The following HYAL4 variants were observed in gnomAD, a reference collection of about 807,000 sequenced individuals.
HYAL4 encodes hyaluronidase 4.
A neutral mutation model predicts 35.2 loss-of-function variants in HYAL4; 37 were observed. That is an observed-to-expected ratio of 1.05 (90% CI 0.81 to 1.38). The LOEUF is 1.38. HYAL4 is among the 40% of genes most tolerant of loss of function. The probability of loss-of-function intolerance (pLI) is 0.00; values close to 1 mark genes in which losing one functional copy is unlikely to be tolerated. For missense variants in HYAL4, 572 were observed against 572.4 expected (o/e 1.00, Z 0.01); for synonymous variants, 198 against 203.2 (o/e 0.97, Z 0.22).
At chr7:123,840,594 C>T (rs183692445), upstream of HYAL4, among the ~76,000 whole-genome samples, 308 of 152,114 alleles carry the variant, frequency 2.0e-3, 1 homozygote, top group African/African-American at 6.9e-3. Flanking sequence ...GCCATTTTCA[C>T]GGTATTGATT....
the HYAL4 span, among the ~76,000 whole-genome samples, chr7:123,802,417 T>C: frequency 2.0e-4 from 30 of 152,028 alleles, no homozygotes; most frequent in African/African-American, 7.0e-4. Flanking sequence ...CTGTTCAACT[T>C]TTAATAAATC....
chr7:123,858,409 C>G (rs1806505188), intron 2 of HYAL4, among the ~76,000 whole-genome samples: 1 of 152,060 alleles, frequency 6.6e-6, no homozygotes, highest in Non-Finnish European at 1.5e-5. Flanking sequence ...GCGTTACAAA[C>G]TCAGGCATGA....
the HYAL4 span, among the ~76,000 whole-genome samples, chr7:123,790,129 A>G: frequency 6.6e-6 from 1 of 152,170 alleles, no homozygotes; most frequent in Non-Finnish European, 1.5e-5. Flanking sequence ...TTAGTTGCCC[A>G]CCCACATTAG....
chr7:123,790,965 A>G, the HYAL4 span, among the ~76,000 whole-genome samples: 1 of 152,138 alleles, frequency 6.6e-6, no homozygotes, highest in South Asian at 2.1e-4. Context: ...GGATTTTGCC[A>G]TGTTAGCCAG....
chr7:123,795,111 C>T, the HYAL4 span, among the ~76,000 whole-genome samples: 3 of 152,254 alleles, frequency 2.0e-5, no homozygotes, highest in African/African-American at 7.2e-5. Flanking sequence ...AACTGCCCTA[C>T]TGGATATTGG....
In HYAL4 at chr7:123,868,967, A is replaced by G. The variant is rs775190818; in HGVS notation, c.694A>G (p.Asn232Asp). Residue 232 changes from asparagine to aspartate, a missense_variant, in exon 3 of 5, where the codon AAC becomes GAC. Coordinates refer to ENST00000223026, the MANE Select transcript of HYAL4 (RefSeq NM_012269.3). ...CCACAATTATAACGTTTATGCCCCA[A>G]ACTACTCTGGGTCATGCCCAGAAGA... ...DCHNYNVYAPNYSGSCPEDEV... is the reference protein window; with the variant it reads ...DCHNYNVYAPDYSGSCPEDEV... 3.1e-6 allele frequency: 5 copies of G among 1,613,794 alleles called. No individual in the cohort carries two copies. The South Asian group carries it at 3.3e-5, about 11-fold the overall frequency.
At chr7:123,843,259 G>A (rs1220580476), upstream of HYAL4, among the ~76,000 whole-genome samples, 1 of 151,946 alleles carries the variant, frequency 6.6e-6, no homozygotes, top group African/African-American at 2.4e-5. Flanking sequence ...CACTTATGAA[G>A]CTTAGTTTGG....
the HYAL4 span, among the ~76,000 whole-genome samples, chr7:123,775,298 A>G: frequency 6.6e-6 from 1 of 152,112 alleles, no homozygotes; most frequent in Non-Finnish European, 1.5e-5. Flanking sequence ...GCATGGTGGC[A>G]CATGCCTATA....
the HYAL4 span, among the ~76,000 whole-genome samples, chr7:123,771,658 A>G: frequency 9.2e-5 from 14 of 152,170 alleles, no homozygotes; most frequent in Non-Finnish European, 5.9e-5. Flanking sequence ...CATAATACCA[A>G]TTACTTGACT....
chr7:123,772,354 C>T, the HYAL4 span, among the ~76,000 whole-genome samples: 30 of 152,054 alleles, frequency 2.0e-4, no homozygotes, highest in African/African-American at 1.9e-4. Flanking sequence ...AACATCCCGT[C>T]GTGGTTCAGG....
At chr7:123,799,949 G>A in the HYAL4 span, among the ~76,000 whole-genome samples, 98 of 151,646 alleles carry the variant, frequency 6.5e-4, no homozygotes, top group African/African-American at 2.1e-3. Context: ...TTGCTTGAGC[G>A]CAGGAGTTCG....
chr7:123,837,065 T>G (rs187069779), intron 1 of HYAL4, among the ~76,000 whole-genome samples: 167 of 152,182 alleles, frequency 1.1e-3, no homozygotes, highest in African/African-American at 3.7e-3. Flanking sequence ...AAAAAAGATT[T>G]GGGCTCCTTT....
chr7:123,788,809 C>T, the HYAL4 span, among the ~76,000 whole-genome samples: 1 of 152,226 alleles, frequency 6.6e-6, no homozygotes, highest in Non-Finnish European at 1.5e-5. Context: ...GTGTACACTT[C>T]AAAACCTGTG....
intron 1 of HYAL4, among the ~76,000 whole-genome samples, chr7:123,833,403 C>CT (rs34866399): frequency 0.84 from 128,447 of 152,108 alleles, 54,344 homozygotes; most frequent in Non-Finnish European, 0.87. Context: ...TATTCATGTC[C>CT]TAGCCCACTT....
Position 123,877,088 on chromosome 7 carries a change from C to G in HYAL4, c.1379C>G (p.Pro460Arg), listed in dbSNP as rs1360883542. Residue 460 changes from proline to arginine, a missense_variant, in exon 5 of 5, where the codon CCT (proline) becomes CGT (arginine). Physicochemically the swap from Pro to Arg is moderately radical, Grantham distance 103. Coordinates refer to ENST00000223026, the MANE Select transcript of HYAL4 (RefSeq NM_012269.3). ...GCTGATGGCTGCTCTGGGGTTTCCC[C>G]TTCTCCTGGTTCACTAATGACACTT... The part of the protein sequence containing the change: ...KTADGCSGVS[P>R]SPGSLMTLCL... The G allele has an allele frequency of 6.2e-7, 1 of 1,614,188 alleles. No homozygotes were observed. The highest frequency in any genetic ancestry group is 1.7e-5 in the Admixed American group (1 of 60,020).
At chr7:123,857,631 A>G (rs1311861339) in intron 2 of HYAL4, among the ~76,000 whole-genome samples, 1 of 146,892 alleles carries the variant, frequency 6.8e-6, no homozygotes, top group Admixed American at 6.7e-5. Flanking sequence ...CTATTGGGCC[A>G]TCTTGCCAGC....
At chr7:123,824,059 G>T (rs890401369), upstream of HYAL4, among the ~76,000 whole-genome samples, 1 of 152,120 alleles carries the variant, frequency 6.6e-6, no homozygotes, top group Non-Finnish European at 1.5e-5. Context: ...TGTCAGCATT[G>T]TTAAGAACAG....
the HYAL4 span, among the ~76,000 whole-genome samples, chr7:123,806,644 A>T: frequency 6.8e-6 from 1 of 147,304 alleles, no homozygotes; most frequent in African/African-American, 2.5e-5. Flanking sequence ...TAGAGATGGG[A>T]TTTCTCCATG....
At chr7:123,785,979 AAAC>A in the HYAL4 span, among the ~76,000 whole-genome samples, 1 of 152,176 alleles carries the variant, frequency 6.6e-6, no homozygotes, top group East Asian at 1.9e-4. This position sits in a 1 kb window ranked among gnomAD's most constrained non-coding sequence, Gnocchi z 4.5. Flanking sequence ...AAAACAAAAC[AAAC>A]AACTACAACT....
Sources: allele counts gnomAD v4.1 joint callset (sites outside exome capture counted in the v4.1 genomes callset), GRCh38; gene constraint gnomAD v4.1.1; non-coding constraint Gnocchi (gnomAD v3.1); transcripts MANE v1.5; gene names NCBI Gene and HGNC (gene_info 2026-07-23, HGNC 2026-07-21).